The following PCDHA13 variants were observed in gnomAD, a reference collection of about 807,000 sequenced individuals.
PCDHA13 encodes protocadherin alpha-13.
PCDHA13 carries 54 observed loss-of-function variants against 64.8 expected under a neutral mutation model. The observed-to-expected ratio is 0.83, with a 90% CI of 0.67 to 1.04. The LOEUF (loss-of-function observed/expected upper bound fraction) is 1.04. Ranked by LOEUF, PCDHA13 falls within the 50% of genes least tolerant of loss-of-function variation. The pLI, the probability that PCDHA13 is intolerant of heterozygous loss-of-function variation, is 0.00. For missense variants in PCDHA13, 1,248 were observed against 1,254.3 expected (o/e 0.99, Z 0.08); for synonymous variants, 587 against 564.4 (o/e 1.04, Z -0.57).
chr5:140,983,275 A>C (rs1279699182), intron 3 of PCDHA13, among the ~76,000 whole-genome samples: 1 of 152,230 alleles, frequency 6.6e-6, no homozygotes, highest in Non-Finnish European at 1.5e-5. Flanking sequence ...TGGCTGGGTG[A>C]GTATAGGAAA....
chr5:140,955,571 G>A (rs1371078633), intron 1 of PCDHA13, among the ~76,000 whole-genome samples: 2 of 152,158 alleles, frequency 1.3e-5, no homozygotes, highest in Non-Finnish European at 2.9e-5. Flanking sequence ...ACTGAACTGT[G>A]AGTCAATTAA....
intron 1 of PCDHA13, among the ~76,000 whole-genome samples, chr5:140,909,427 T>C (rs777444474): frequency 5.8e-4 from 88 of 152,174 alleles, no homozygotes; most frequent in Non-Finnish European, 6.5e-4. Context: ...GTTAAACTTA[T>C]GATAATCCAC....
chr5:140,900,370 T>G (rs983806569), intron 1 of PCDHA13, among the ~76,000 whole-genome samples: 18 of 152,236 alleles, frequency 1.2e-4, no homozygotes, highest in African/African-American at 4.1e-4. Context: ...CTCTGCCTCC[T>G]GGGTTCAAGC....
chr5:140,883,377 C>T lies in PCDHA13; in HGVS notation c.1109C>T (p.Ala370Val), dbSNP rs1436655611. Residue 370 changes from alanine (A) to valine (V), a missense_variant, in exon 1 of 4, where the codon GCC (alanine) becomes GTC (valine). Coordinates refer to ENST00000289272, the MANE Select transcript of PCDHA13 (RefSeq NM_018904.3). ...REDTQPSAIIALISVSDRDSG... is the reference protein window; with the variant it reads ...REDTQPSAIIVLISVSDRDSG... ...GACACTCAGCCTAGCGCCATTATTG[C>T]CCTAATCAGTGTGTCCGATCGTGAC... The T allele has an allele frequency of 1.5e-5, 25 of 1,614,054 alleles. No individual in the cohort carries two copies. Among genetic ancestry groups the T allele is most frequent in the Non-Finnish European group, 2.0e-5 (24 of 1,180,036 alleles).
intron 1 of PCDHA13, among the ~76,000 whole-genome samples, chr5:140,930,773 TA>T (rs1192170091): frequency 6.6e-6 from 1 of 152,226 alleles, no homozygotes; most frequent in East Asian, 1.9e-4. Flanking sequence ...CTGTACTTAA[TA>T]TTTTCACAAT....
intron 1 of PCDHA13, among the ~76,000 whole-genome samples, chr5:140,941,602 A>G (rs1364169026): frequency 1.3e-5 from 2 of 151,994 alleles, no homozygotes; most frequent in African/African-American, 4.8e-5. Flanking sequence ...GCCATGAGCC[A>G]TGGTGCCCAG....
chr5:140,919,258 A>G (rs2079053720), intron 1 of PCDHA13, among the ~76,000 whole-genome samples: 1 of 152,178 alleles, frequency 6.6e-6, no homozygotes, highest in African/African-American at 2.4e-5. Flanking sequence ...TTTGTCTGAT[A>G]TTAGTGTAGT....
chr5:141,009,955 A>G lies in PCDHA13; in HGVS notation c.*18A>G, dbSNP rs782282264. 6.3e-7 allele frequency: 1 copy of G among 1,592,418 alleles called. No individual in the cohort carries two copies. Among genetic ancestry groups the G allele is most frequent in the African/African-American group, 1.4e-5 (1 of 73,350 alleles). ...ACCAGTGAGGTCCTCAAATGGAAAC[A>G]AGCCACTTAGCCAGTTTTTGTAATA... On this transcript the variant is annotated 3_prime_UTR_variant, in exon 4 of 4. Transcript: ENST00000289272.
In PCDHA13 at chr5:141,011,697, T is replaced by A. The variant is rs1187125634; in HGVS notation, c.*1760T>A. ...TTTTGTTCTAGTAACAATTTTGGAATGAATACTGACAATATTCCATGAGGG... is the reference window on the plus strand; with the variant it reads ...TTTTGTTCTAGTAACAATTTTGGAAAGAATACTGACAATATTCCATGAGGG... On this transcript the variant is annotated 3_prime_UTR_variant, in exon 4 of 4. Transcript: ENST00000289272. 2 of 153,778 alleles carry A rather than the reference T, an allele frequency of 1.3e-5. No homozygotes were observed. Among genetic ancestry groups the A allele is most frequent in the Non-Finnish European group, 2.9e-5 (2 of 68,036 alleles). The allele number at this position is 153,778 out of a possible 1,614,324, so 9.5% of individuals were successfully genotyped here.
At chr5:140,958,810 G>T (rs2095443726) in intron 1 of PCDHA13, among the ~76,000 whole-genome samples, 1 of 151,988 alleles carries the variant, frequency 6.6e-6, no homozygotes, top group Non-Finnish European at 1.5e-5. Context: ...ACACCATTCT[G>T]TTTTAATTTT....
intron 3 of PCDHA13, among the ~76,000 whole-genome samples, chr5:140,996,394 G>A (rs2097724789): frequency 6.6e-6 from 1 of 152,192 alleles, no homozygotes; most frequent in Non-Finnish European, 1.5e-5. Context: ...GCCTCATAGA[G>A]TTTCAGGTGG....
At position 140,883,159 on chromosome 5, in the gene PCDHA13, G is replaced by A. The variant is rs782151764; in HGVS notation, c.891G>A (p.Pro297=). The change falls in exon 1 of 4, where the codon CCG becomes CCA. Residue 297 remains proline (P), a synonymous_variant. Coordinates refer to ENST00000289272, the MANE Select transcript of PCDHA13 (RefSeq NM_018904.3). ...PAVVYAFTIN[P]NNGEIRTKGK... ...TGGTATATGCATTTACCATAAATCC[G>A]AACAATGGAGAAATTAGGACAAAAG... 3.1e-6 allele frequency: 5 copies of A among 1,613,846 alleles called. No individual in the cohort carries two copies. The highest frequency in any genetic ancestry group is 3.3e-5 in the Admixed American group (2 of 59,976).
chr5:140,928,790 G>GGGT, intron 1 of PCDHA13: 2 of 1,614,176 alleles, frequency 1.2e-6, no homozygotes, highest in Non-Finnish European at 1.7e-6. Context: ...GTTAAGCAGA[G>GGGT]GGTGGTGGTA....
chr5:140,946,517 G>A (rs138420578), intron 1 of PCDHA13, among the ~76,000 whole-genome samples: 8 of 151,024 alleles, frequency 5.3e-5, no homozygotes, highest in Admixed American at 1.3e-4. Flanking sequence ...AGACCTATCC[G>A]CACTCCCATG....
intron 3 of PCDHA13, among the ~76,000 whole-genome samples, chr5:140,986,404 G>GT (rs2097199196): frequency 6.6e-6 from 1 of 152,190 alleles, no homozygotes; most frequent in Non-Finnish European, 1.5e-5. Context: ...AGTCGCTCAT[G>GT]TTACAGCTCT....
intron 1 of PCDHA13, among the ~76,000 whole-genome samples, chr5:140,932,720 G>A (rs868927369): frequency 6.6e-5 from 10 of 151,848 alleles, no homozygotes; most frequent in Non-Finnish European, 1.5e-5. Flanking sequence ...CAATAATATT[G>A]TATAATATAG....
chr5:141,005,659 G>A (rs963015988), intron 3 of PCDHA13, among the ~76,000 whole-genome samples: 2 of 123,926 alleles, frequency 1.6e-5, no homozygotes, highest in South Asian at 2.6e-4. Flanking sequence ...TCGAGATCGC[G>A]CCACTGCACT....
At chr5:140,919,387 G>A (rs180927321) in intron 1 of PCDHA13, among the ~76,000 whole-genome samples, 420 of 152,292 alleles carry the variant, frequency 2.8e-3, no homozygotes, top group Middle Eastern at 6.8e-3. Context: ...ATAGTTGGAT[G>A]TTGTTTTCCT....
chr5:140,967,146 A>C, intron 1 of PCDHA13: 1 of 1,610,972 alleles, frequency 6.2e-7, no homozygotes, highest in Non-Finnish European at 8.5e-7. Flanking sequence ...CTGGCGCACA[A>C]CCCCGTGGCG....
Sources: allele counts gnomAD v4.1 joint callset (sites outside exome capture counted in the v4.1 genomes callset), GRCh38; gene constraint gnomAD v4.1.1; transcripts MANE v1.5; gene names NCBI Gene and HGNC (gene_info 2026-07-23, HGNC 2026-07-21).